TMEM181: variants seen among roughly 807,000 people sequenced by gnomAD.
TMEM181 encodes transmembrane protein 181.
Under a neutral mutation model 71.9 loss-of-function variants are expected in TMEM181, and 39 were observed. The ratio of observed to expected loss-of-function variants is 0.54; its 90% CI spans 0.42 to 0.71. The LOEUF (loss-of-function observed/expected upper bound fraction) is 0.71, where lower values mean the gene tolerates loss of function less well. Among genes scored for constraint, TMEM181 ranks in the 30% least tolerant of loss-of-function variants. The pLI is 0.00. For synonymous variants in TMEM181, 245 were observed against 228.8 expected (o/e 1.07, Z -0.64); for missense variants, 595 against 583.0 (o/e 1.02, Z -0.21).
At chr6:158,585,731 G>A (rs1027796083) in intron 5 of TMEM181, among the ~76,000 whole-genome samples, 1 of 152,188 alleles carries the variant, frequency 6.6e-6, no homozygotes. Context: ...TGTTTTTACT[G>A]TGTGTGTGAC....
intron 6 of TMEM181, among the ~76,000 whole-genome samples, chr6:158,594,258 G>A (rs1033521446): frequency 2.0e-5 from 3 of 151,518 alleles, no homozygotes; most frequent in African/African-American, 7.3e-5. Context: ...ACCACTATGC[G>A]TGGCTAATTT....
At chr6:158,552,302 G>A (rs1213133980) in intron 1 of TMEM181, among the ~76,000 whole-genome samples, 2 of 152,056 alleles carry the variant, frequency 1.3e-5, no homozygotes, top group Admixed American at 1.3e-4. Flanking sequence ...TTTCCTTATG[G>A]GAAGCCCACT....
At chr6:158,622,215 C>G (rs1057095082) in intron 10 of TMEM181, among the ~76,000 whole-genome samples, 1 of 152,170 alleles carries the variant, frequency 6.6e-6, no homozygotes, top group Non-Finnish European at 1.5e-5. Flanking sequence ...CTAATAATAA[C>G]CAATAAAATA....
intron 6 of TMEM181, among the ~76,000 whole-genome samples, chr6:158,604,335 CGTGT>C (rs35523450): frequency 0.43 from 65,380 of 151,184 alleles, 14,302 homozygotes; most frequent in East Asian, 0.61. Flanking sequence ...TGCGTGCATG[CGTGT>C]GTGTGTGTGT....
chr6:158,584,593 A>G (rs575812948), intron 4 of TMEM181, among the ~76,000 whole-genome samples: 1 of 152,354 alleles, frequency 6.6e-6, no homozygotes, highest in Admixed American at 6.5e-5. Flanking sequence ...CTACAGTGGC[A>G]CTAGTTTTGT....
intron 6 of TMEM181, among the ~76,000 whole-genome samples, chr6:158,594,879 G>A (rs1332956896): frequency 6.6e-6 from 1 of 152,114 alleles, no homozygotes; most frequent in East Asian, 1.9e-4. Context: ...GTAGAGACGA[G>A]GTTTCACCAT....
At chr6:158,615,660 T>C (rs1785571663) in intron 10 of TMEM181, among the ~76,000 whole-genome samples, 1 of 152,220 alleles carries the variant, frequency 6.6e-6, no homozygotes, top group East Asian at 1.9e-4. Context: ...TTAATTTTTG[T>C]ATAGGGTGTA....
At chr6:158,617,565 A>T (rs2128324038) in intron 10 of TMEM181, among the ~76,000 whole-genome samples, 1 of 151,872 alleles carries the variant, frequency 6.6e-6, no homozygotes, top group African/African-American at 2.4e-5. Flanking sequence ...TTTAATGGTG[A>T]TGTTAGGGTG....
intron 6 of TMEM181, among the ~76,000 whole-genome samples, chr6:158,603,925 T>C (rs1330783007): frequency 1.3e-5 from 2 of 152,256 alleles, no homozygotes; most frequent in Admixed American, 1.3e-4. Flanking sequence ...GTTAATTTCC[T>C]TGGAAATGGT....
intron 5 of TMEM181, among the ~76,000 whole-genome samples, chr6:158,586,860 G>T (rs551659354): frequency 4.9e-4 from 75 of 152,282 alleles, no homozygotes; most frequent in Non-Finnish European, 1.2e-4. Flanking sequence ...GGTGAATAAC[G>T]TGTGAGTGTG....
chr6:158,591,686 A>T (rs1300393385), intron 6 of TMEM181, among the ~76,000 whole-genome samples: 1 of 152,096 alleles, frequency 6.6e-6, no homozygotes, highest in African/African-American at 2.4e-5. Context: ...TCAACAGTGC[A>T]GACAAACAAG....
At chr6:158,563,694 G>A (rs144722338) in intron 1 of TMEM181, among the ~76,000 whole-genome samples, 1 of 152,348 alleles carries the variant, frequency 6.6e-6, no homozygotes, top group Non-Finnish European at 1.5e-5. Context: ...GAGTCACTGG[G>A]CTTGCAATCT....
At chr6:158,587,435 T>C (rs538866420) in intron 5 of TMEM181, among the ~76,000 whole-genome samples, 1 of 152,310 alleles carries the variant, frequency 6.6e-6, no homozygotes, top group African/African-American at 2.4e-5. Flanking sequence ...CAAGGAGCAT[T>C]GCCCTGGCTT....
At chr6:158,626,796 T>TTCACTCACACC (rs1314650794) in intron 13 of TMEM181, 2 of 455,526 alleles carry the variant, frequency 4.4e-6, no homozygotes, top group African/African-American at 4.0e-5. Flanking sequence ...CACTCATGCC[T>TTCACTCACACC]TCACTCACAA....
chr6:158,570,515 A>G (rs531516144), intron 1 of TMEM181, among the ~76,000 whole-genome samples: 10 of 152,016 alleles, frequency 6.6e-5, no homozygotes, highest in African/African-American at 2.4e-4. Context: ...TGCTGGGATT[A>G]CAGGCATGAG....
intron 13 of TMEM181, among the ~76,000 whole-genome samples, chr6:158,627,321 G>C (rs954882282): frequency 1.3e-5 from 2 of 152,200 alleles, no homozygotes; most frequent in African/African-American, 4.8e-5. Flanking sequence ...TAGGTGTTAG[G>C]GGACTCATTT....
intron 6 of TMEM181, among the ~76,000 whole-genome samples, chr6:158,601,448 G>C (rs545959661): frequency 2.5e-4 from 38 of 152,074 alleles, no homozygotes; most frequent in Admixed American, 2.2e-3. Flanking sequence ...TCAGGAGGCT[G>C]AAGCAGGAGA....
Position 158,628,594 on chromosome 6 carries a change from C to A in TMEM181, c.1192+104C>A, listed in dbSNP as rs1314308583. 4.1e-6 allele frequency: 4 copies of A among 982,928 alleles called. No individual in the cohort carries two copies. The African/African-American group carries it at 4.9e-5, about 12-fold the overall frequency. 60.9% of individuals were successfully genotyped at this position (982,928 alleles called of 1,614,324 possible). On this transcript the variant is annotated intron_variant, in intron 14 of 16. Coordinates refer to ENST00000684151, the MANE Select transcript of TMEM181 (RefSeq NM_001376852.1). ...CTCAAGAGGAGACAGGTCAGCTCCT[C>A]GCGCCCTGTTCTCCGGAGGCCTCGT...
intron 6 of TMEM181, among the ~76,000 whole-genome samples, chr6:158,593,353 T>C: frequency 6.6e-6 from 1 of 152,366 alleles, no homozygotes; most frequent in East Asian, 1.9e-4. Context: ...AGGCTGTCTC[T>C]GGGTGGTGGG....
Sources: allele counts gnomAD v4.1 joint callset (sites outside exome capture counted in the v4.1 genomes callset), GRCh38; gene constraint gnomAD v4.1.1; transcripts MANE v1.5; gene names NCBI Gene and HGNC (gene_info 2026-07-23, HGNC 2026-07-21).